The following THSD4 variants were observed in gnomAD, a reference collection of about 807,000 sequenced individuals.
THSD4 encodes thrombospondin type-1 domain-containing protein 4.
A neutral mutation model predicts 119.0 loss-of-function variants in THSD4; 69 were observed. The ratio of observed to expected loss-of-function variants is 0.58; its 90% confidence interval spans 0.48 to 0.71. The LOEUF (loss-of-function observed/expected upper bound fraction) is 0.71, where lower values mean the gene tolerates loss of function less well. Among genes scored for constraint, THSD4 ranks in the 30% least tolerant of loss-of-function variants. The pLI is 0.00. For missense variants in THSD4, 1,393 were observed against 1,391.1 expected, an observed-to-expected ratio of 1.00 and a Z score of -0.02; for synonymous variants, 524 against 540.4, an observed-to-expected ratio of 0.97 and a Z score of 0.42.
chr15:71,383,228 T>C (rs2046249506), intron 6 of THSD4, among the ~76,000 whole-genome samples: 1 of 152,254 alleles, frequency 6.6e-6, no homozygotes, highest in Non-Finnish European at 1.5e-5. Flanking sequence ...CCCTCGTCTG[T>C]CCAGCCTTTG....
chr15:71,121,041 C>T (rs1317984735), intron 1 of THSD4, among the ~76,000 whole-genome samples: 2 of 152,220 alleles, frequency 1.3e-5, no homozygotes, highest in African/African-American at 2.4e-5. Context: ...TACCTGCTTC[C>T]TTCTTGGAAA....
intron 8 of THSD4, among the ~76,000 whole-genome samples, chr15:71,714,228 T>C (rs544129971): frequency 6.6e-6 from 1 of 152,246 alleles, no homozygotes; most frequent in East Asian, 1.9e-4. Context: ...AGCACTGAAA[T>C]GTAAGCTTTA....
chr15:71,310,852 CA>C (rs1050602032), intron 6 of THSD4, among the ~76,000 whole-genome samples: 6 of 152,134 alleles, frequency 3.9e-5, no homozygotes, highest in African/African-American at 1.4e-4. Flanking sequence ...GACTGAGAGA[CA>C]GGGGGGCAGG....
intron 7 of THSD4, among the ~76,000 whole-genome samples, chr15:71,517,760 G>T (rs965694890): frequency 1.3e-5 from 2 of 152,188 alleles, no homozygotes; most frequent in Non-Finnish European, 2.9e-5. Flanking sequence ...AAGAACAAGA[G>T]AATTTTTGAC....
At chr15:71,303,324 A>G (rs2044978173) in intron 6 of THSD4, among the ~76,000 whole-genome samples, 1 of 152,210 alleles carries the variant, frequency 6.6e-6, no homozygotes, top group African/African-American at 2.4e-5. Flanking sequence ...CTGCCTGGTC[A>G]GGAGGGGGGC....
At chr15:71,720,620 G>A (rs144058853) in intron 8 of THSD4, among the ~76,000 whole-genome samples, 40 of 152,328 alleles carry the variant, frequency 2.6e-4, no homozygotes, top group African/African-American at 9.1e-4. Context: ...CACCAAGGCA[G>A]TACAGGAAGA....
Position 71,562,148 on chromosome 15 carries a change from T to C in THSD4, c.1153-98382T>C, listed in dbSNP as rs143215151. 2.4e-3 allele frequency among the ~76,000 whole-genome samples: 369 copies of C among 152,266 alleles called. 1 individual carries two copies. Among genetic ancestry groups the C allele is most frequent in the African/African-American group, 8.8e-3 (364 of 41,544 alleles). ...TGAATGGTCTAGAAACAAAATAATC[T>C]TCACACACCCAGTTGTGGCTTCTGA... On this transcript the variant is annotated intron_variant, in intron 7 of 17. Coordinates refer to ENST00000261862, the MANE Select transcript of THSD4 (RefSeq NM_024817.3).
chr15:71,445,371 A>G (rs1323212538), intron 7 of THSD4, among the ~76,000 whole-genome samples: 4 of 152,224 alleles, frequency 2.6e-5, no homozygotes, highest in African/African-American at 9.6e-5. Context: ...TATCTAGCAC[A>G]GTGAGTCAGC....
Position 71,246,276 on chromosome 15 carries a change from G to A in THSD4, c.912+3180G>A, listed in dbSNP as rs369271586. Among the ~76,000 whole-genome samples the A allele has an allele frequency of 3.9e-5, 6 of 152,216 alleles. No homozygotes were observed. In the South Asian group the frequency reaches 1.0e-3, roughly 26 times the overall value. ...GCTGACACATTGTTGGGAAATAAACGTGACTGGCATACCCCCCTTTAGATA... is the reference window on the plus strand; with the variant it reads ...GCTGACACATTGTTGGGAAATAAACATGACTGGCATACCCCCCTTTAGATA... On this transcript the variant is annotated intron_variant, in intron 5 of 17. Transcript: ENST00000261862.
chr15:71,739,863 T>C (rs373650179), intron 11 of THSD4, among the ~76,000 whole-genome samples: 2 of 151,902 alleles, frequency 1.3e-5, no homozygotes, highest in African/African-American at 4.8e-5. Context: ...TTTTCTTTTC[T>C]TTTGATACTG....
intron 3 of THSD4, among the ~76,000 whole-genome samples, chr15:71,156,462 T>A (rs1403671607): frequency 6.6e-6 from 1 of 152,026 alleles, no homozygotes; most frequent in Non-Finnish European, 1.5e-5. Context: ...TGTTTCACCA[T>A]GTTGGCCAGG....
chr15:71,261,589 G>T (rs1036644560), intron 6 of THSD4, among the ~76,000 whole-genome samples: 1 of 152,094 alleles, frequency 6.6e-6, no homozygotes, highest in Non-Finnish European at 1.5e-5. Context: ...CCTAGTTTGG[G>T]GGATGGGGTA....
chr15:71,469,586 A>G (rs1407116785), intron 7 of THSD4, among the ~76,000 whole-genome samples: 2 of 152,150 alleles, frequency 1.3e-5, no homozygotes, highest in Non-Finnish European at 2.9e-5. Context: ...GGTGGTATTT[A>G]TCTACTAAGC....
chr15:71,411,879 C>G, intron 7 of THSD4, 56 bp downstream of exon 7: 1 of 1,602,096 alleles, frequency 6.2e-7, no homozygotes, highest in Admixed American at 1.7e-5. Context: ...TGACTGCTGA[C>G]TCCATTGTTT....
At chr15:71,139,956 G>A (rs369034741) in intron 1 of THSD4, among the ~76,000 whole-genome samples, 39 of 152,350 alleles carry the variant, frequency 2.6e-4, no homozygotes, top group African/African-American at 8.9e-4. Context: ...CAACCAACCC[G>A]CCCATCCTGG....
intron 10 of THSD4, among the ~76,000 whole-genome samples, chr15:71,734,630 C>T (rs903055807): frequency 6.6e-6 from 1 of 152,040 alleles, no homozygotes; most frequent in East Asian, 1.9e-4. Context: ...TGTGAACCCT[C>T]GTATGGACTA....
intron 1 of THSD4, among the ~76,000 whole-genome samples, chr15:71,140,890 C>G (rs552871730): frequency 6.6e-6 from 1 of 152,192 alleles, no homozygotes; most frequent in African/African-American, 2.4e-5. Flanking sequence ...ACCAACGAAT[C>G]TACTTTCTGT....
At chr15:71,596,444 T>A (rs969874231) in intron 7 of THSD4, among the ~76,000 whole-genome samples, 2 of 152,244 alleles carry the variant, frequency 1.3e-5, no homozygotes, top group Admixed American at 6.5e-5. Flanking sequence ...CATCAGTGCC[T>A]CATCTTCCAG....
chr15:71,338,871 G>C (rs904322590), intron 6 of THSD4, among the ~76,000 whole-genome samples: 3 of 152,126 alleles, frequency 2.0e-5, no homozygotes, highest in African/African-American at 7.2e-5. Flanking sequence ...CTGAGGTCAG[G>C]GTCTGGCCAT....
Sources: gnomAD v4.1 joint callset for allele counts (sites outside exome capture counted in the v4.1 genomes callset) on GRCh38, gnomAD v4.1.1 for gene constraint, MANE v1.5 for transcripts, NCBI Gene and HGNC (gene_info 2026-07-23, HGNC 2026-07-21) for gene names.